The following PAFAH1B2 variants were observed in gnomAD, a reference collection of about 807,000 sequenced individuals.
PAFAH1B2 encodes the protein platelet activating factor acetylhydrolase 1b catalytic subunit 2, also known as platelet-activating factor acetylhydrolase IB subunit alpha2.
A neutral mutation model predicts 28.0 loss-of-function variants in PAFAH1B2; 8 were observed. That is an observed-to-expected ratio of 0.29 (90% CI 0.17 to 0.52). The LOEUF is 0.52. Ranked by LOEUF, PAFAH1B2 falls within the 20% of genes least tolerant of loss-of-function variation. The pLI is 0.97. For synonymous variants in PAFAH1B2, 104 were observed against 103.2 expected (o/e 1.01, Z -0.05); for missense variants, 190 against 282.6 (o/e 0.67, Z 2.35).
At chr11:117,144,591 G>T (rs1955948602) in intron 1 of PAFAH1B2, among the ~76,000 whole-genome samples, 173 bp downstream of exon 1, 1 of 151,856 alleles carries the variant, frequency 6.6e-6, no homozygotes, top group Non-Finnish European at 1.5e-5. Context: ...CCTTCTCTGC[G>T]GGCCCAGCGT....
At chr11:117,174,906 C>T, downstream of PAFAH1B2, 1 of 1,527,324 alleles carries the variant, frequency 6.5e-7, no homozygotes, top group Non-Finnish European at 8.8e-7. Flanking sequence ...TGAGTCACCG[C>T]ACCAGGCCAT....
At chr11:117,159,748 A>AG (rs1956329721) in intron 2 of PAFAH1B2, 186 bp from the exon 3 acceptor site, 2 of 527,166 alleles carry the variant, frequency 3.8e-6, no homozygotes, top group Non-Finnish European at 3.4e-6. Flanking sequence ...AAAAAAAAAA[A>AG]AAAGAAAGAA....
downstream of PAFAH1B2, chr11:117,171,707 C>T: frequency 6.5e-7 from 1 of 1,535,912 alleles, no homozygotes; most frequent in South Asian, 1.2e-5. Flanking sequence ...GGGACCTATC[C>T]TGATGACACA....
At chr11:117,146,261 T>C (rs1956005364) in intron 1 of PAFAH1B2, among the ~76,000 whole-genome samples, 2 of 144,882 alleles carry the variant, frequency 1.4e-5, no homozygotes, top group Admixed American at 1.4e-4. Context: ...TAATTTTGTA[T>C]TTTTTTTTTT....
At chr11:117,174,637 C>T (rs1455065189), downstream of PAFAH1B2, among the ~76,000 whole-genome samples, 1 of 152,178 alleles carries the variant, frequency 6.6e-6, no homozygotes, top group Non-Finnish European at 1.5e-5. Context: ...TGCCACCACG[C>T]CCGGCTAATT....
intron 4 of PAFAH1B2, among the ~76,000 whole-genome samples, chr11:117,162,301 T>G (rs1273558778): frequency 6.6e-6 from 1 of 152,156 alleles, no homozygotes; most frequent in Non-Finnish European, 1.5e-5. Context: ...GCTTAGCTAA[T>G]TTTTAAATTT....
downstream of PAFAH1B2, chr11:117,175,185 A>G (rs1258499562): frequency 1.8e-6 from 2 of 1,128,930 alleles, no homozygotes; most frequent in Non-Finnish European, 2.2e-6. Flanking sequence ...AGCTCTTTGT[A>G]TATTATGCCA....
At position 117,159,945 on chromosome 11, in the gene PAFAH1B2, T is replaced by G. The variant is rs771341933; in HGVS notation, c.93T>G (p.Phe31Leu). The G allele has an allele frequency of 6.2e-7, 1 of 1,613,448 alleles. No homozygotes were observed. Among genetic ancestry groups the G allele is most frequent in the South Asian group, 1.1e-5 (1 of 91,076 alleles). ...DDRWMSQHNRFVLDCKDKEPD... is the reference protein window; with the variant it reads ...DDRWMSQHNRLVLDCKDKEPD... ...CTTCTTCAAACCAGCACAACAGATT[T>G]GTTTTGGACTGTAAAGACAAAGAGC... Residue 31 changes from phenylalanine to leucine, a missense_variant, in exon 3 of 6, where the codon TTT becomes TTG. Phe to Leu is a conservative substitution (Grantham distance 22). Transcript: ENST00000527958.
At position 117,167,529 on chromosome 11, in the gene PAFAH1B2, G is replaced by C. The variant is rs769612359; in HGVS notation, c.520G>C (p.Asp174His). The change falls in exon 6 of 6, where the codon GAT becomes CAT. Residue 174 changes from aspartate (D) to histidine (H), a missense_variant. Coordinates refer to ENST00000527958, the MANE Select transcript of PAFAH1B2 (RefSeq NM_002572.4). ...LPKLANVQLL[D>H]TDGGFVHSDG... is the part of the protein sequence containing the mutation. ...GAAGCTTGCCAACGTGCAGCTCCTG[G>C]ATACCGACGGGGGTTTTGTGCACTC... The C allele has an allele frequency of 1.2e-6, 2 of 1,613,108 alleles. No homozygotes were observed. Among genetic ancestry groups the C allele is most frequent in the African/African-American group, 2.7e-5 (2 of 74,910 alleles).
chr11:117,147,548 C>A (rs1956043163), intron 1 of PAFAH1B2, among the ~76,000 whole-genome samples: 1 of 152,198 alleles, frequency 6.6e-6, no homozygotes, highest in Non-Finnish European at 1.5e-5. Flanking sequence ...TATGCATAGT[C>A]TTCTAGGTTG....
intron 1 of PAFAH1B2, among the ~76,000 whole-genome samples, chr11:117,146,348 C>T (rs1400285638): frequency 1.3e-5 from 2 of 152,024 alleles, no homozygotes; most frequent in Non-Finnish European, 2.9e-5. Context: ...CCGCCTCGGC[C>T]TCCCAAAGTG....
chr11:117,154,684 T>C (rs1363252775), intron 2 of PAFAH1B2, among the ~76,000 whole-genome samples: 1 of 152,178 alleles, frequency 6.6e-6, no homozygotes, highest in African/African-American at 2.4e-5. Context: ...CCTCAAGTGA[T>C]CCTCCTGCCT....
At chr11:117,171,750 AGTTG>A, downstream of PAFAH1B2, 1 of 1,534,762 alleles carries the variant, frequency 6.5e-7, no homozygotes, top group South Asian at 1.2e-5. Context: ...TATTACAGTG[AGTTG>A]GTATGCCGGT....
At chr11:117,147,688 T>A (rs1271688911) in intron 1 of PAFAH1B2, among the ~76,000 whole-genome samples, 1 of 152,150 alleles carries the variant, frequency 6.6e-6, no homozygotes, top group Non-Finnish European at 1.5e-5. Context: ...GTAATAAGAT[T>A]TTGATTGACA....
intron 5 of PAFAH1B2, 26 bp from the exon 6 acceptor site, chr11:117,167,395 A>T: frequency 6.6e-7 from 1 of 1,522,538 alleles, no homozygotes; most frequent in Non-Finnish European, 8.8e-7. Context: ...GAATCTTCTA[A>T]TTTAATGTTT....
intron 5 of PAFAH1B2, among the ~76,000 whole-genome samples, chr11:117,165,039 T>C (rs1309582879): frequency 7.0e-6 from 1 of 143,650 alleles, no homozygotes; most frequent in Non-Finnish European, 1.5e-5. Flanking sequence ...CACTGCAAGC[T>C]CGGCCTCCCA....
chr11:117,155,343 T>C (rs1274719252), intron 2 of PAFAH1B2, among the ~76,000 whole-genome samples: 1 of 152,176 alleles, frequency 6.6e-6, no homozygotes, highest in African/African-American at 2.4e-5. Context: ...AAAATAAGGC[T>C]CAGCAGCAGA....
rs1956621034 is a variant in PAFAH1B2, at chr11:117,170,294, GA to G, written c.*2596del. 1 of 1,062,282 alleles carries G rather than the reference GA, an allele frequency of 9.4e-7. No individual in the cohort carries two copies. The highest frequency in any genetic ancestry group is 1.7e-5 in the African/African-American group (1 of 60,576). 65.8% of individuals were successfully genotyped at this position (1,062,282 alleles called of 1,614,324 possible). ...GCCAACTTTCCAGGCAGCTAGCAGAGATACTATTCTCTTCCTCTCCCAGCAA... is the reference window on the plus strand; with the variant it reads ...GCCAACTTTCCAGGCAGCTAGCAGAGTACTATTCTCTTCCTCTCCCAGCAA... On this transcript the variant is annotated 3_prime_UTR_variant, in exon 6 of 6. Coordinates refer to ENST00000527958, the MANE Select transcript of PAFAH1B2 (RefSeq NM_002572.4).
Position 117,169,349 on chromosome 11 carries a change from A to G in PAFAH1B2, c.*1650A>G. ...TTATCAGTATACCTGTGGAATATGT[A>G]CAAACTGGATCTATAGATATTTTGA... On this transcript the variant is annotated 3_prime_UTR_variant, in exon 6 of 6. Coordinates refer to ENST00000527958, the MANE Select transcript of PAFAH1B2 (RefSeq NM_002572.4). The G allele has an allele frequency of 1.9e-6, 2 of 1,050,418 alleles. No homozygotes were observed. Among genetic ancestry groups the G allele is most frequent in the Non-Finnish European group, 2.3e-6 (2 of 870,048 alleles). 65.1% of individuals were successfully genotyped at this position (1,050,418 alleles called of 1,614,324 possible).
Sources: gnomAD v4.1 joint callset for allele counts (sites outside exome capture counted in the v4.1 genomes callset) on GRCh38, gnomAD v4.1.1 for gene constraint, MANE v1.5 for transcripts, NCBI Gene and HGNC (gene_info 2026-07-23, HGNC 2026-07-21) for gene names.